EIF3H: variants seen among roughly 807,000 people sequenced by gnomAD.
EIF3H encodes eIF-3-gamma.
Under a neutral mutation model 44.2 loss-of-function variants are expected in EIF3H, and 26 were observed. The ratio of observed to expected loss-of-function variants is 0.59; its 90% CI spans 0.43 to 0.82. EIF3H has a LOEUF of 0.82. EIF3H is among the 40% of genes least tolerant of loss of function. The pLI is 0.00. For missense variants in EIF3H, 359 were observed against 432.8 expected (o/e 0.83, Z 1.51); for synonymous variants, 166 against 151.9 (o/e 1.09, Z -0.68).
chr8:116,701,922 C>CA (rs1185381665), intron 2 of EIF3H, among the ~76,000 whole-genome samples: 15 of 152,222 alleles, frequency 9.9e-5, no homozygotes, highest in Non-Finnish European at 1.5e-5. Flanking sequence ...GGTACTGTAC[C>CA]AATTCTAATT....
intron 1 of EIF3H, among the ~76,000 whole-genome samples, chr8:116,742,294 T>C (rs1815146274): frequency 1.3e-5 from 2 of 152,192 alleles, no homozygotes; most frequent in South Asian, 4.1e-4. Context: ...ATAGAGGATT[T>C]AGCCTCAAGA....
chr8:116,749,489 G>T (rs564068010), intron 1 of EIF3H, among the ~76,000 whole-genome samples: 2 of 152,252 alleles, frequency 1.3e-5, no homozygotes, highest in African/African-American at 4.8e-5. Context: ...GAATAGCAAG[G>T]TCTAATGAAC....
At chr8:116,661,722 GAGAT>G (rs143340233) in intron 2 of EIF3H, among the ~76,000 whole-genome samples, 74 of 152,288 alleles carry the variant, frequency 4.9e-4, no homozygotes, top group African/African-American at 1.7e-3. Context: ...CTGAATACAA[GAGAT>G]TCTCTAACAG....
At chr8:116,685,069 C>T (rs779471207) in intron 2 of EIF3H, among the ~76,000 whole-genome samples, 16 of 152,122 alleles carry the variant, frequency 1.1e-4, no homozygotes, top group Non-Finnish European at 1.8e-4. Flanking sequence ...GTAGCTGTAG[C>T]ACAACTTATT....
At chr8:116,682,165 C>G (rs1814001313) in intron 2 of EIF3H, among the ~76,000 whole-genome samples, 1 of 152,144 alleles carries the variant, frequency 6.6e-6, no homozygotes. Context: ...CAGCAAAACC[C>G]AGAATTAAAA....
At chr8:116,749,863 G>A (rs1372215515) in intron 1 of EIF3H, among the ~76,000 whole-genome samples, 4 of 152,304 alleles carry the variant, frequency 2.6e-5, no homozygotes, top group East Asian at 1.9e-4. Context: ...TGGAGGGACT[G>A]CTACATTACA....
At chr8:116,762,770 C>G (rs1040075850) in intron 1 of EIF3H, among the ~76,000 whole-genome samples, 1 of 152,112 alleles carries the variant, frequency 6.6e-6, no homozygotes, top group Non-Finnish European at 1.5e-5. Context: ...TAGTGAAACC[C>G]GGTCCCTACT....
At chr8:116,660,761 G>A (rs1306376552) in intron 2 of EIF3H, among the ~76,000 whole-genome samples, 1 of 152,122 alleles carries the variant, frequency 6.6e-6, no homozygotes, top group Non-Finnish European at 1.5e-5. Context: ...AGGGTATGGG[G>A]GAGAAGGTGA....
chr8:116,656,968 C>T (rs1472844452), intron 4 of EIF3H, among the ~76,000 whole-genome samples: 1 of 152,164 alleles, frequency 6.6e-6, no homozygotes, highest in African/African-American at 2.4e-5. Context: ...TTCTTCGAAT[C>T]CAGTAGCTAA....
At chr8:116,685,771 C>A (rs993676334) in intron 2 of EIF3H, among the ~76,000 whole-genome samples, 2 of 152,152 alleles carry the variant, frequency 1.3e-5, no homozygotes, top group African/African-American at 4.8e-5. Flanking sequence ...TAAACAGCAA[C>A]AACCAAATTC....
chr8:116,700,344 G>A (rs979128344), intron 2 of EIF3H, among the ~76,000 whole-genome samples: 11 of 152,168 alleles, frequency 7.2e-5, no homozygotes, highest in Non-Finnish European at 1.0e-4. Flanking sequence ...GCCCAGGACA[G>A]CTTTGAATGC....
Position 116,644,842 on chromosome 8 carries a change from G to C in EIF3H, c.*164C>G. 1.8e-6 allele frequency: 1 copy of C among 555,768 alleles called. No individual in the cohort carries two copies. The highest frequency in any genetic ancestry group is 3.2e-6 in the Non-Finnish European group (1 of 311,752). The allele number at this position is 555,768 out of a possible 1,614,324, so 34.4% of individuals were successfully genotyped here. On this transcript the variant is annotated 3_prime_UTR_variant, in exon 8 of 8. Coordinates refer to ENST00000521861, the MANE Select transcript of EIF3H (RefSeq NM_003756.3). ...CAAATGAGCAAGCAGTCAAGATTTT[G>C]TTTTATTTTATTATGGCTAGAAAGA...
At chr8:116,656,091 G>T in intron 4 of EIF3H, 86 bp from the exon 5 acceptor site, 1 of 1,271,394 alleles carries the variant, frequency 7.9e-7, no homozygotes, top group Non-Finnish European at 1.1e-6. Flanking sequence ...CTAATTACAG[G>T]CCCTATCCAA....
chr8:116,694,395 T>A (rs527429591), intron 2 of EIF3H, among the ~76,000 whole-genome samples: 1 of 152,348 alleles, frequency 6.6e-6, no homozygotes, highest in Admixed American at 6.5e-5. Context: ...GCCATTTGTA[T>A]CTTTTCTTGT....
At chr8:116,666,660 C>G (rs1250459349) in intron 2 of EIF3H, among the ~76,000 whole-genome samples, 1 of 132,220 alleles carries the variant, frequency 7.6e-6, no homozygotes, top group African/African-American at 2.9e-5. Flanking sequence ...GAAGAACTCT[C>G]ATATAAAGAA....
intron 2 of EIF3H, among the ~76,000 whole-genome samples, chr8:116,659,349 A>T (rs540730961): frequency 6.6e-6 from 1 of 152,350 alleles, no homozygotes; most frequent in East Asian, 1.9e-4. Flanking sequence ...GGTTGTAAGA[A>T]GTTTCATTTG....
rs1586479047 is a variant in EIF3H at position 116,726,113 on chromosome 8, T to C, written c.192A>G (p.Gln64=). Residue 64 remains glutamine, a synonymous_variant, in exon 2 of 8, where the codon CAA becomes CAG. Transcript: ENST00000521861. ...QEEGQGTEVV[Q]GVLLGLVVED... Reference sequence around the variant, plus strand: ...CTACAACCAGACCCAAAAGCACTCCTTGAACAACTTCAGTTCCTTGTCCTT... The same window carrying C: ...CTACAACCAGACCCAAAAGCACTCCCTGAACAACTTCAGTTCCTTGTCCTT... 1 of 1,614,144 alleles carries C rather than the reference T, an allele frequency of 6.2e-7. No individual in the cohort carries two copies.
At position 116,644,415 on chromosome 8, in the gene EIF3H, C is replaced by A. The variant is rs1191237144; in HGVS notation, c.*591G>T. 6.6e-6 allele frequency: 1 copy of A among 152,104 alleles called. No homozygotes were observed. The highest frequency in any genetic ancestry group is 2.4e-5 in the African/African-American group (1 of 41,386). The allele number at this position is 152,104 out of a possible 1,614,324, so 9.4% of individuals were successfully genotyped here. On this transcript the variant is annotated 3_prime_UTR_variant, in exon 8 of 8. Coordinates refer to ENST00000521861, the MANE Select transcript of EIF3H (RefSeq NM_003756.3). ...TAAAAATAATGATGATAATAATAAT[C>A]TTGTGTCCCATGGCCTATGAGTACG...
chr8:116,646,664 G>A (rs1474924767), intron 6 of EIF3H, 61 bp from the exon 7 acceptor site: 3 of 1,593,014 alleles, frequency 1.9e-6, no homozygotes, highest in African/African-American at 2.7e-5. Flanking sequence ...AAAAAAAGAT[G>A]TCCTTCCCCT....
Sources: allele counts gnomAD v4.1 joint callset (sites outside exome capture counted in the v4.1 genomes callset), GRCh38; gene constraint gnomAD v4.1.1; transcripts MANE v1.5; gene names NCBI Gene and HGNC (gene_info 2026-07-23, HGNC 2026-07-21).